COPG2: variants seen among roughly 807,000 people sequenced by gnomAD.
The protein encoded by COPG2 is coat protein complex I subunit gamma 2, also known as coatomer subunit gamma-2.
In COPG2, 37 loss-of-function variants were observed where a neutral mutation model predicts 46.3. The ratio of observed to expected loss-of-function variants is 0.80; its 90% CI spans 0.61 to 1.05. COPG2 has a LOEUF of 1.05. Ranked by LOEUF, COPG2 falls within the 50% of genes least tolerant of loss-of-function variation. The probability of loss-of-function intolerance (pLI) is 0.00; values close to 1 mark genes in which losing one functional copy is unlikely to be tolerated. For missense variants in COPG2, 427 were observed against 387.8 expected (o/e 1.10, Z -0.85); for synonymous variants, 159 against 129.7 (o/e 1.23, Z -1.53).
chr7:130,577,622 G>A (rs1273185271), intron 9 of COPG2, among the ~76,000 whole-genome samples: 3 of 151,330 alleles, frequency 2.0e-5, no homozygotes, highest in Non-Finnish European at 2.9e-5. Flanking sequence ...TTAGCCGGGC[G>A]CGGTGGCGGG....
chr7:130,513,899 G>A (rs1799651564), intron 20 of COPG2, among the ~76,000 whole-genome samples: 1 of 152,178 alleles, frequency 6.6e-6, no homozygotes, highest in South Asian at 2.1e-4. Flanking sequence ...TTGAAGATTG[G>A]CAGGTATTGA....
chr7:130,606,229 T>TA (rs1563057203), intron 9 of COPG2, among the ~76,000 whole-genome samples: 2 of 57,614 alleles, frequency 3.5e-5, no homozygotes, highest in Admixed American at 1.7e-4. Flanking sequence ...TTAAAATAAA[T>TA]AAAAAAAAGA....
intron 20 of COPG2, among the ~76,000 whole-genome samples, chr7:130,537,346 G>A (rs934459262): frequency 7.2e-4 from 108 of 149,658 alleles, no homozygotes; most frequent in African/African-American, 2.6e-3. Flanking sequence ...AGTGCAGTAC[G>A]TGTGACACAG....
intron 4 of COPG2, among the ~76,000 whole-genome samples, chr7:130,654,554 G>A (rs574731897): frequency 2.6e-5 from 4 of 152,130 alleles, no homozygotes; most frequent in Non-Finnish European, 5.9e-5. Context: ...AAATGTGCAC[G>A]TGTGTATGTA....
At chr7:130,581,755 A>G (rs1349402813) in intron 9 of COPG2, among the ~76,000 whole-genome samples, 1 of 143,982 alleles carries the variant, frequency 6.9e-6, no homozygotes, top group Non-Finnish European at 1.5e-5. Context: ...CAACTGCTTC[A>G]AAGAGAATAA....
chr7:130,571,845 C>A (rs548882414), intron 9 of COPG2, among the ~76,000 whole-genome samples: 1,901 of 149,088 alleles, frequency 0.013, 47 homozygotes, highest in African/African-American at 0.043. Context: ...CTCTCTCTCT[C>A]TATATATATA....
intron 20 of COPG2, among the ~76,000 whole-genome samples, chr7:130,543,071 T>TA (rs1793369822): frequency 6.6e-6 from 1 of 152,110 alleles, no homozygotes. Flanking sequence ...AGGGTGATGG[T>TA]AAAGCAACCC....
rs1172771689 is a variant in COPG2, at chr7:130,526,811, C to T, written c.2150-18152G>A. Among the ~76,000 whole-genome samples, 12 of 96,800 alleles carry T rather than the reference C, an allele frequency of 1.2e-4. No individual in the cohort carries two copies. The East Asian group carries it at 3.4e-3, about 27-fold the overall frequency. The allele number at this position is 96,800 out of a possible 152,430, so 63.5% of individuals were successfully genotyped here. A position where few individuals can be genotyped will look rare whatever the true frequency, so the allele number is the denominator to read the frequency against. On this transcript the variant is annotated intron_variant, in intron 20 of 23. Coordinates refer to ENST00000425248, the MANE Select transcript of COPG2 (RefSeq NM_012133.6). The stretch of plus-strand genomic sequence containing the variant: ...TGGGCCAGGCTCTTTACTACGGATC[C>T]GGCGGGAAAGGGTGGGTGGTGGGGA...
chr7:130,620,939 A>G (rs1388188395), intron 5 of COPG2, among the ~76,000 whole-genome samples: 1 of 152,206 alleles, frequency 6.6e-6, no homozygotes, highest in African/African-American at 2.4e-5. Context: ...AGATCCTTAA[A>G]TGCACTTTAT....
intron 9 of COPG2, among the ~76,000 whole-genome samples, chr7:130,587,666 G>A (rs1794302794): frequency 6.6e-6 from 1 of 152,118 alleles, no homozygotes; most frequent in South Asian, 2.1e-4. Context: ...AGACTTACAT[G>A]TTAGACCTAA....
chr7:130,650,118 G>C (rs1554458887), intron 5 of COPG2, among the ~76,000 whole-genome samples: 2 of 151,996 alleles, frequency 1.3e-5, no homozygotes, highest in African/African-American at 4.8e-5. Flanking sequence ...CAGCAACACT[G>C]CATCTCTGAC....
At chr7:130,506,884 T>C (rs1554440228) in intron 23 of COPG2, 78 bp from the exon 24 acceptor site, 2 of 672,768 alleles carry the variant, frequency 3.0e-6, no homozygotes, top group Non-Finnish European at 5.4e-6. Context: ...ATGCTATCCC[T>C]GCATCTCCTT....
At chr7:130,539,098 A>G (rs1799911406) in intron 20 of COPG2, among the ~76,000 whole-genome samples, 1 of 152,162 alleles carries the variant, frequency 6.6e-6, no homozygotes, top group East Asian at 1.9e-4. Context: ...CTGTGTAAGA[A>G]GAAGGTCTTA....
chr7:130,509,601 T>TCATC, intron 20 of COPG2: 2 of 466,138 alleles, frequency 4.3e-6, no homozygotes, highest in Non-Finnish European at 8.7e-6. Context: ...TTCCATCCAT[T>TCATC]CATCCATCCA....
chr7:130,556,982 A>G (rs1793636716), intron 12 of COPG2, among the ~76,000 whole-genome samples: 1 of 152,180 alleles, frequency 6.6e-6, no homozygotes, highest in African/African-American at 2.4e-5. Context: ...TATCTCCACA[A>G]TTATTTAGCA....
intron 19 of COPG2, 116 bp downstream of exon 19, chr7:130,548,287 A>T: frequency 1.0e-5 from 4 of 396,936 alleles, no homozygotes; most frequent in African/African-American, 2.1e-5. Context: ...AGAAAACCAG[A>T]AATTCTGCCA....
At chr7:130,568,892 A>G (rs1291955125) in intron 9 of COPG2, among the ~76,000 whole-genome samples, 47 of 152,366 alleles carry the variant, frequency 3.1e-4, no homozygotes, top group Non-Finnish European at 1.2e-4. Context: ...AAAACTGGAA[A>G]TCAACTCCAA....
In COPG2 at chr7:130,572,991, C is replaced by T. The variant is rs143215516; in HGVS notation, c.738-8598G>A. On this transcript the variant is annotated intron_variant, in intron 9 of 23. Transcript: ENST00000425248. ...AACCAAGAAAAAAAGAGGAAAGACA[C>T]AAATTACCAAAACCAGGGATGAAAA... Among the ~76,000 whole-genome samples the T allele has an allele frequency of 4.4e-3, 670 of 151,814 alleles. 3 individuals carry two copies. The highest frequency in any genetic ancestry group is 0.016 in the African/African-American group (648 of 41,458).
At chr7:130,633,945 C>T (rs1795279610) in intron 5 of COPG2, among the ~76,000 whole-genome samples, 1 of 152,150 alleles carries the variant, frequency 6.6e-6, no homozygotes, top group African/African-American at 2.4e-5. Context: ...TATAGCTAGC[C>T]AGTTTTCCCA....
Sources: gnomAD v4.1 joint callset for allele counts (sites outside exome capture counted in the v4.1 genomes callset) on GRCh38, gnomAD v4.1.1 for gene constraint, MANE v1.5 for transcripts, NCBI Gene and HGNC (gene_info 2026-07-23, HGNC 2026-07-21) for gene names.